SIPA1L3: variants seen among roughly 807,000 people sequenced by gnomAD.
SIPA1L3 encodes signal-induced proliferation-associated 1-like protein 3.
Under a neutral mutation model 150.1 loss-of-function variants are expected in SIPA1L3, and 59 were observed. That is an observed-to-expected ratio of 0.39 (90% CI 0.32 to 0.49). The LOEUF (loss-of-function observed/expected upper bound fraction) is 0.49, where lower values mean the gene tolerates loss of function less well. SIPA1L3 is among the 20% of genes least tolerant of loss of function. The pLI is 0.86. For synonymous variants in SIPA1L3, 1,070 were observed against 1,077.6 expected, an observed-to-expected ratio of 0.99 and a Z score of 0.14; for missense variants, 2,211 against 2,489.5, an observed-to-expected ratio of 0.89 and a Z score of 2.38.
Position 38,206,359 on chromosome 19 carries a change from C to T in SIPA1L3, c.*119C>T. On this transcript the variant is annotated 3_prime_UTR_variant, in exon 22 of 22. Coordinates refer to ENST00000222345, the MANE Select transcript of SIPA1L3 (RefSeq NM_015073.3). ...CAAGATGACCCATCCAGGGCCCTCC[C>T]CATGGACACGGAAACTCCGATGGCC... The T allele has an allele frequency of 1.6e-6, 2 of 1,238,836 alleles. No individual in the cohort carries two copies. Among genetic ancestry groups the T allele is most frequent in the Non-Finnish European group, 2.2e-6 (2 of 908,424 alleles). The allele number at this position is 1,238,836 out of a possible 1,614,324, so 76.7% of individuals were successfully genotyped here.
At chr19:38,087,669 G>C (rs1026258911) in intron 3 of SIPA1L3, 1 of 152,338 alleles carries the variant, frequency 6.6e-6, no homozygotes, top group African/African-American at 2.4e-5. Flanking sequence ...AGGTAGACGA[G>C]GGAGCAGGAG....
intron 2 of SIPA1L3, among the ~76,000 whole-genome samples, chr19:38,073,146 TC>T (rs1358433828): frequency 6.6e-6 from 1 of 152,208 alleles, no homozygotes; most frequent in Non-Finnish European, 1.5e-5. Context: ...AGATTCTCCT[TC>T]CTGATTAGGG....
chr19:38,172,976 C>A (rs1218111878), intron 15 of SIPA1L3, among the ~76,000 whole-genome samples: 1 of 151,904 alleles, frequency 6.6e-6, no homozygotes, highest in East Asian at 1.9e-4. Context: ...GTGGCACACG[C>A]ATGTTGTCCC....
At chr19:38,067,909 T>C (rs1410869801) in intron 2 of SIPA1L3, among the ~76,000 whole-genome samples, 1 of 152,136 alleles carries the variant, frequency 6.6e-6, no homozygotes, top group Non-Finnish European at 1.5e-5. Context: ...CACTAGCTAA[T>C]GAGATTTCTA....
chr19:38,181,633 T>A (rs1459461157), intron 15 of SIPA1L3, among the ~76,000 whole-genome samples: 1 of 151,324 alleles, frequency 6.6e-6, no homozygotes, highest in African/African-American at 2.4e-5. Context: ...CATCTGAGGT[T>A]AGGAGTTTGA....
chr19:38,055,125 TTTCCTTAGCTGTAA>T (rs1969287543), intron 2 of SIPA1L3, among the ~76,000 whole-genome samples: 1 of 152,144 alleles, frequency 6.6e-6, no homozygotes, highest in African/African-American at 2.4e-5. Context: ...TGGCCTTCCG[TTTCCTTAGCTGTAA>T]AATGATCTGG....
intron 15 of SIPA1L3, among the ~76,000 whole-genome samples, chr19:38,177,010 C>CA (rs1191799798): frequency 1.3e-5 from 2 of 151,778 alleles, no homozygotes; most frequent in Admixed American, 6.6e-5. Flanking sequence ...AACAAACAAA[C>CA]AAAAAACATG....
chr19:37,953,027 C>A (rs1236312241), intron 1 of SIPA1L3, among the ~76,000 whole-genome samples: 1 of 152,106 alleles, frequency 6.6e-6, no homozygotes. Flanking sequence ...GTCGGGAGAT[C>A]CTGGCTAACA....
chr19:38,203,537 G>A (rs1381685398), intron 20 of SIPA1L3, among the ~76,000 whole-genome samples: 1 of 152,226 alleles, frequency 6.6e-6, no homozygotes, highest in African/African-American at 2.4e-5. Context: ...ATGGGCCCCT[G>A]ATTCAAATCC....
intron 1 of SIPA1L3, among the ~76,000 whole-genome samples, chr19:37,930,198 T>C (rs2046541422): frequency 6.6e-6 from 1 of 152,010 alleles, no homozygotes; most frequent in Non-Finnish European, 1.5e-5. Context: ...CTATTTTGTA[T>C]TTTTAGTAGA....
At chr19:37,971,982 C>G (rs1008725227) in intron 1 of SIPA1L3, among the ~76,000 whole-genome samples, 1 of 152,162 alleles carries the variant, frequency 6.6e-6, no homozygotes, top group African/African-American at 2.4e-5. Flanking sequence ...ATCCAGGCAT[C>G]ACCTGATGGA....
At chr19:38,193,028 A>G (rs1013832619) in intron 17 of SIPA1L3, among the ~76,000 whole-genome samples, 1 of 151,828 alleles carries the variant, frequency 6.6e-6, no homozygotes. Context: ...CTGGGGGAAA[A>G]CTGGAGCGCT....
At chr19:38,018,319 A>G (rs1968288272) in intron 1 of SIPA1L3, among the ~76,000 whole-genome samples, 1 of 151,700 alleles carries the variant, frequency 6.6e-6, no homozygotes, top group South Asian at 2.1e-4. Context: ...GCGCACCATC[A>G]CGCCTGGCAA....
intron 1 of SIPA1L3, among the ~76,000 whole-genome samples, chr19:37,959,997 A>G (rs1373661758): frequency 1.3e-5 from 2 of 152,012 alleles, no homozygotes; most frequent in Non-Finnish European, 2.9e-5. Flanking sequence ...CAAGCCCCAC[A>G]GTATGGTTTT....
chr19:38,130,437 G>A (rs1204140722), intron 9 of SIPA1L3, 61 bp from the exon 10 acceptor site: 1 of 1,543,530 alleles, frequency 6.5e-7, no homozygotes, highest in African/African-American at 1.4e-5. Flanking sequence ...CGTGACCAGG[G>A]GTCTTCCAGA....
chr19:38,155,136 A>G (rs1244859929), intron 13 of SIPA1L3, among the ~76,000 whole-genome samples: 2 of 152,224 alleles, frequency 1.3e-5, no homozygotes, highest in African/African-American at 4.8e-5. Context: ...GTCTATCAAC[A>G]TGTGAGAGTT....
At chr19:38,181,739 G>C (rs1250397124) in intron 15 of SIPA1L3, among the ~76,000 whole-genome samples, 3 of 151,830 alleles carry the variant, frequency 2.0e-5, no homozygotes, top group Non-Finnish European at 4.4e-5. Flanking sequence ...CCAGCTACTG[G>C]GGAGGTTGAA....
rs561249543 is a variant in SIPA1L3, at chr19:38,051,926, G to A, written c.-311+22770G>A. Among the ~76,000 whole-genome samples the A allele has an allele frequency of 1.6e-4, 24 of 152,276 alleles. No homozygotes were observed. In the South Asian group the frequency reaches 3.7e-3, roughly 24 times the overall value. ...TTGTTTTAGTAATGGGGAATTTCAGGCATTTACAGGGGTAGAAATAGCATA... is the reference window on the plus strand; with the variant it reads ...TTGTTTTAGTAATGGGGAATTTCAGACATTTACAGGGGTAGAAATAGCATA... On this transcript the variant is annotated intron_variant, in intron 2 of 21. Coordinates refer to ENST00000222345, the MANE Select transcript of SIPA1L3 (RefSeq NM_015073.3).
chr19:37,976,127 AG>A (rs1489464111), intron 1 of SIPA1L3, among the ~76,000 whole-genome samples: 1 of 150,898 alleles, frequency 6.6e-6, no homozygotes, highest in Non-Finnish European at 1.5e-5. Flanking sequence ...AAGAAAGAAA[AG>A]AAATGGGGAG....
Sources: allele counts gnomAD v4.1 joint callset (sites outside exome capture counted in the v4.1 genomes callset), GRCh38; gene constraint gnomAD v4.1.1; transcripts MANE v1.5; gene names NCBI Gene and HGNC (gene_info 2026-07-23, HGNC 2026-07-21).